The following GKAP1 variants were observed in gnomAD, a reference collection of about 807,000 sequenced individuals.
GKAP1 encodes the protein G kinase-anchoring protein 1.
In GKAP1, 31 loss-of-function variants were observed where a neutral mutation model predicts 56.7. The observed-to-expected ratio is 0.55, with a 90% CI of 0.41 to 0.74. The LOEUF (loss-of-function observed/expected upper bound fraction) is 0.74, where lower values mean the gene tolerates loss of function less well. Ranked by LOEUF, GKAP1 falls within the 30% of genes least tolerant of loss-of-function variation. The probability of loss-of-function intolerance (pLI) is 0.00; values close to 1 mark genes in which losing one functional copy is unlikely to be tolerated. For synonymous variants in GKAP1, 151 were observed against 138.6 expected (o/e 1.09, Z -0.63); for missense variants, 364 against 402.3 (o/e 0.90, Z 0.82).
intron 9 of GKAP1, among the ~76,000 whole-genome samples, chr9:83,751,731 T>C (rs1454898085): frequency 6.6e-6 from 1 of 151,428 alleles, no homozygotes; most frequent in Non-Finnish European, 1.5e-5. Flanking sequence ...GAATGATACT[T>C]GATATGAATA....
chr9:83,799,108 T>G, intron 4 of GKAP1, 77 bp downstream of exon 4: 1 of 1,238,428 alleles, frequency 8.1e-7, no homozygotes, highest in Admixed American at 1.8e-5. Context: ...AGTGGTGACG[T>G]GAATTCAGAG....
intron 2 of GKAP1, among the ~76,000 whole-genome samples, chr9:83,812,410 T>C (rs1944524662): frequency 6.6e-6 from 1 of 150,514 alleles, no homozygotes; most frequent in African/African-American, 2.4e-5. Context: ...AGCAGTGGTG[T>C]GATCACGGCT....
rs1344994304 is a variant in GKAP1 at position 83,804,927 on chromosome 9, G to C, written c.216+1375C>G. ...TGCCCGGCCGCCCCTACTGGGAAGT[G>C]AGGAGCCCCTCTGCCCGGCCACCAC... On this transcript the variant is annotated intron_variant, in intron 3 of 12. Coordinates refer to ENST00000376371, the MANE Select transcript of GKAP1 (RefSeq NM_025211.4). Among the ~76,000 whole-genome samples the C allele has an allele frequency of 2.6e-5, 4 of 152,022 alleles. No homozygotes were observed. In the South Asian group the frequency reaches 8.3e-4, roughly 31 times the overall value.
At chr9:83,812,306 TAC>T (rs1944520633) in intron 2 of GKAP1, among the ~76,000 whole-genome samples, 1 of 148,170 alleles carries the variant, frequency 6.7e-6, no homozygotes, top group African/African-American at 2.5e-5. Flanking sequence ...TATATACGTA[TAC>T]ATATATATGT....
At chr9:83,781,893 G>C (rs1475347241) in intron 6 of GKAP1, among the ~76,000 whole-genome samples, 2 of 146,196 alleles carry the variant, frequency 1.4e-5, no homozygotes, top group East Asian at 4.0e-4. Context: ...GCCCAGGCTG[G>C]AGTGCAGCGG....
chr9:83,740,377 C>T (rs1486575526), intron 12 of GKAP1, among the ~76,000 whole-genome samples: 3 of 152,028 alleles, frequency 2.0e-5, no homozygotes, highest in Non-Finnish European at 4.4e-5. Flanking sequence ...CATAACATAA[C>T]ATAACATAAC....
intron 4 of GKAP1, among the ~76,000 whole-genome samples, chr9:83,796,803 TTC>T (rs1393529908): frequency 6.6e-6 from 1 of 152,186 alleles, no homozygotes; most frequent in Admixed American, 6.5e-5. Flanking sequence ...CCCTTTTAAT[TTC>T]TCTCAGTCAC....
chr9:83,763,881 CT>C (rs1451080074), intron 8 of GKAP1, among the ~76,000 whole-genome samples: 1 of 152,192 alleles, frequency 6.6e-6, no homozygotes, highest in African/African-American at 2.4e-5. Context: ...AGTCTGTTCT[CT>C]TTCCACTATG....
chr9:83,788,552 C>T lies in GKAP1; in HGVS notation c.438+49G>A, dbSNP rs754662871. ...AATTCAAGTAGGTTGATTTTAACCTCTCACCACTTAAACTTCTAAAATATC... is the reference window on the plus strand; with the variant it reads ...AATTCAAGTAGGTTGATTTTAACCTTTCACCACTTAAACTTCTAAAATATC... On this transcript the variant is annotated intron_variant, in intron 5 of 12. Transcript: ENST00000376371. 3.7e-6 allele frequency: 4 copies of T among 1,083,466 alleles called. No homozygotes were observed. The East Asian group carries it at 7.6e-5, about 20-fold the overall frequency. 67.1% of individuals were successfully genotyped at this position (1,083,466 alleles called of 1,614,324 possible). A position where few individuals can be genotyped will look rare whatever the true frequency, so the allele number is the denominator to read the frequency against.
At chr9:83,812,835 TGACA>T (rs1392897183) in intron 2 of GKAP1, among the ~76,000 whole-genome samples, 4 of 152,194 alleles carry the variant, frequency 2.6e-5, no homozygotes, top group African/African-American at 9.7e-5. Context: ...TTCACATCAG[TGACA>T]GACAAGTCAA....
rs900805071 is a variant in GKAP1, at chr9:83,783,026, A to C, written c.562+1689T>G. On this transcript the variant is annotated intron_variant, in intron 6 of 12. Transcript: ENST00000376371. ...TTTTAACCCCAAAACAAAGCAACTTAATCACTGGCAGCCTACAGGGAAAAA... is the reference window on the plus strand; with the variant it reads ...TTTTAACCCCAAAACAAAGCAACTTCATCACTGGCAGCCTACAGGGAAAAA... Among the ~76,000 whole-genome samples the C allele has an allele frequency of 3.2e-4, 49 of 152,244 alleles. 1 individual carries two copies. Among genetic ancestry groups the C allele is most frequent in the Non-Finnish European group, 2.9e-5 (2 of 68,038 alleles).
chr9:83,789,250 T>C (rs1458630051), intron 4 of GKAP1: 1 of 152,234 alleles, frequency 6.6e-6, no homozygotes, highest in African/African-American at 2.4e-5. Flanking sequence ...TTCTTTGTGA[T>C]ATATATTTGT....
At chr9:83,794,315 G>A (rs1471165781) in intron 4 of GKAP1, among the ~76,000 whole-genome samples, 2 of 152,148 alleles carry the variant, frequency 1.3e-5, no homozygotes, top group Non-Finnish European at 2.9e-5. Flanking sequence ...ATGCTTTCCA[G>A]CATAAAAGTG....
At chr9:83,775,874 C>CAAAAAAAAAAA (rs55669011) in intron 7 of GKAP1, among the ~76,000 whole-genome samples, 2 of 43,710 alleles carry the variant, frequency 4.6e-5, no homozygotes, top group African/African-American at 1.0e-4. Flanking sequence ...GACTCTGTCT[C>CAAAAAAAAAAA]AAAAAAAAAA....
At chr9:83,782,645 G>C (rs1943994156) in intron 6 of GKAP1, among the ~76,000 whole-genome samples, 1 of 145,084 alleles carries the variant, frequency 6.9e-6, no homozygotes. Flanking sequence ...GGCGTGATGA[G>C]CCAACGCGCC....
chr9:83,774,016 C>T lies in GKAP1; in HGVS notation c.586-5046G>A, dbSNP rs141092833. On this transcript the variant is annotated intron_variant, in intron 7 of 12. Transcript: ENST00000376371. Reference sequence around the variant, plus strand: ...TTTGTAGACAGTTTTGCTCTAGGCACGTGCCATCACACCCGGCTAATTTTT... The same window carrying T: ...TTTGTAGACAGTTTTGCTCTAGGCATGTGCCATCACACCCGGCTAATTTTT... 3.9e-3 allele frequency among the ~76,000 whole-genome samples: 592 copies of T among 152,006 alleles called. 10 individuals are homozygous for T. The highest frequency in any genetic ancestry group is 0.013 in the African/African-American group (557 of 41,504).
At chr9:83,806,611 CTG>C in intron 2 of GKAP1, 51 bp from the exon 3 acceptor site, 1 of 1,024,424 alleles carries the variant, frequency 9.8e-7, no homozygotes, top group Non-Finnish European at 1.4e-6. Context: ...AGAGTAAAAT[CTG>C]TTGTAGATTC....
intron 2 of GKAP1, among the ~76,000 whole-genome samples, chr9:83,816,566 TTTTAA>T (rs1944602756): frequency 6.6e-6 from 1 of 152,246 alleles, no homozygotes; most frequent in African/African-American, 2.4e-5. Context: ...ATTTTTAATA[TTTTAA>T]TTTGCCAAAA....
intron 4 of GKAP1, among the ~76,000 whole-genome samples, chr9:83,791,192 G>C (rs1015086012): frequency 6.6e-6 from 1 of 152,164 alleles, no homozygotes; most frequent in Non-Finnish European, 1.5e-5. Flanking sequence ...CACAAGGTCA[G>C]GAGATCAAGA....
Sources: allele counts gnomAD v4.1 joint callset (sites outside exome capture counted in the v4.1 genomes callset), GRCh38; gene constraint gnomAD v4.1.1; transcripts MANE v1.5; gene names NCBI Gene and HGNC (gene_info 2026-07-23, HGNC 2026-07-21).